LGALS14: variants seen among roughly 807,000 people sequenced by gnomAD.
LGALS14 encodes the protein placental protein 13-like.
In LGALS14, 14 loss-of-function variants were observed where a neutral mutation model predicts 14.6. That is an observed-to-expected ratio of 0.96 (90% CI 0.64 to 1.50). LGALS14 has a LOEUF of 1.50. LGALS14 is among the 40% of genes most tolerant of loss of function. The pLI, the probability that LGALS14 is intolerant of heterozygous loss-of-function variation, is 0.00. For missense variants in LGALS14, 180 were observed against 172.0 expected, an observed-to-expected ratio of 1.05 and a Z score of -0.26; for synonymous variants, 57 against 63.9, an observed-to-expected ratio of 0.89 and a Z score of 0.51.
At chr19:39,707,152 C>T (rs749914119) in intron 2 of LGALS14, 26 bp from the exon 3 acceptor site, 2 of 1,574,388 alleles carry the variant, frequency 1.3e-6, no homozygotes, top group Non-Finnish European at 1.7e-6. Context: ...GGGACCTGCC[C>T]AACATGCTGT....
intron 3 of LGALS14, 114 bp downstream of exon 3, chr19:39,707,502 C>T (rs777703135): frequency 2.4e-6 from 2 of 831,438 alleles, no homozygotes; most frequent in East Asian, 2.5e-5. Flanking sequence ...ATAACTATTC[C>T]TGTTTCAGGT....
intron 1 of LGALS14, among the ~76,000 whole-genome samples, chr19:39,706,212 T>C (rs1225775662): frequency 3.3e-5 from 5 of 152,148 alleles, no homozygotes; most frequent in Non-Finnish European, 7.4e-5. Context: ...ATTGACCCTA[T>C]ACATGCCAGG....
intron 1 of LGALS14, 132 bp downstream of exon 1, chr19:39,704,675 A>G (rs557667172): frequency 1.2e-6 from 1 of 820,462 alleles, no homozygotes; most frequent in African/African-American, 1.7e-5. Flanking sequence ...GGGTGTGTAG[A>G]AGAGAAACCC....
chr19:39,704,690 G>A, intron 1 of LGALS14, 147 bp downstream of exon 1: 3 of 747,790 alleles, frequency 4.0e-6, no homozygotes, highest in South Asian at 3.4e-5. Flanking sequence ...AAACCCTGAG[G>A]CTGTGGTATC....
At position 39,709,370 on chromosome 19, in the gene LGALS14, A is replaced by T. The variant is rs1332883238; in HGVS notation, c.*57A>T. The T allele has an allele frequency of 7.1e-6, 7 of 989,394 alleles. No homozygotes were observed. In the East Asian group the frequency reaches 1.2e-4, roughly 17 times the overall value. The allele number at this position is 989,394 out of a possible 1,614,324, so 61.3% of individuals were successfully genotyped here. The stretch of plus-strand genomic sequence containing the variant: ...ATCCCTCTTTCTACCTGACCATGGG[A>T]TTCCCAGAGCCTACTAACAGAATAA... On this transcript the variant is annotated 3_prime_UTR_variant, in exon 4 of 4. Coordinates refer to ENST00000392052, the MANE Select transcript of LGALS14 (RefSeq NM_020129.3).
At chr19:39,707,413 G>A (rs565897930) in intron 3 of LGALS14, 25 bp downstream of exon 3, 24 of 1,591,794 alleles carry the variant, frequency 1.5e-5, no homozygotes, top group East Asian at 6.7e-5. Flanking sequence ...ATCTTCCAGC[G>A]CTGGAGCTCT....
chr19:39,708,992 G>C (rs1380318822), intron 3 of LGALS14, among the ~76,000 whole-genome samples: 2 of 152,176 alleles, frequency 1.3e-5, no homozygotes, highest in Non-Finnish European at 2.9e-5. Context: ...AGGGGAATGA[G>C]AGAAAACATT....
At chr19:39,705,382 G>T (rs1330540505) in intron 1 of LGALS14, among the ~76,000 whole-genome samples, 2 of 152,164 alleles carry the variant, frequency 1.3e-5, no homozygotes, top group Admixed American at 1.3e-4. Flanking sequence ...GAACAGGCGA[G>T]TGTGAAGATA....
Position 39,709,364 on chromosome 19 carries a change from C to A in LGALS14, c.*51C>A. ...TGAGGAATCCCTCTTTCTACCTGAC[C>A]ATGGGATTCCCAGAGCCTACTAACA... On this transcript the variant is annotated 3_prime_UTR_variant, in exon 4 of 4. Coordinates refer to ENST00000392052, the MANE Select transcript of LGALS14 (RefSeq NM_020129.3). 9.6e-7 allele frequency: 1 copy of A among 1,037,926 alleles called. No homozygotes were observed. Among genetic ancestry groups the A allele is most frequent in the Non-Finnish European group, 1.5e-6 (1 of 658,862 alleles). The allele number at this position is 1,037,926 out of a possible 1,614,324, so 64.3% of individuals were successfully genotyped here.
At chr19:39,705,821 G>C in intron 1 of LGALS14, 1 of 1,537,824 alleles carries the variant, frequency 6.5e-7, no homozygotes, top group Non-Finnish European at 8.9e-7. Context: ...TATCAGCCTG[G>C]GTGACAGAGC....
chr19:39,707,139 G>T (rs749425314), intron 2 of LGALS14, 39 bp from the exon 3 acceptor site: 6 of 1,489,394 alleles, frequency 4.0e-6, no homozygotes, highest in Non-Finnish European at 2.8e-6. Flanking sequence ...TCTGCACAAT[G>T]GGGGGACCTG....
chr19:39,707,929 T>A (rs1369021966), intron 3 of LGALS14, among the ~76,000 whole-genome samples: 1 of 152,114 alleles, frequency 6.6e-6, no homozygotes, highest in Non-Finnish European at 1.5e-5. Context: ...CTTGCCTTAG[T>A]CTCCCAAGTA....
At chr19:39,704,624 A>C (rs1973689315) in intron 1 of LGALS14, 81 bp downstream of exon 1, 1 of 1,356,486 alleles carries the variant, frequency 7.4e-7, no homozygotes, top group Non-Finnish European at 1.1e-6. Context: ...CTGAGTTGAA[A>C]ATATGAGCAT....
chr19:39,708,809 T>C (rs1458272334), intron 3 of LGALS14, among the ~76,000 whole-genome samples: 2 of 152,146 alleles, frequency 1.3e-5, no homozygotes, highest in Non-Finnish European at 2.9e-5. Flanking sequence ...TCACAGTTCA[T>C]GGAACTGAAA....
chr19:39,709,334 A>G lies in LGALS14; in HGVS notation c.*21A>G. The G allele has an allele frequency of 7.5e-7, 1 of 1,334,934 alleles. No individual in the cohort carries two copies. Among genetic ancestry groups the G allele is most frequent in the East Asian group, 2.3e-5 (1 of 43,610 alleles). The allele number at this position is 1,334,934 out of a possible 1,614,324, so 82.7% of individuals were successfully genotyped here. ...ATTGAGGGAGATGATCAGACTCCTC[A>G]TTGTTGAGGAATCCCTCTTTCTACC... On this transcript the variant is annotated 3_prime_UTR_variant, in exon 4 of 4. Coordinates refer to ENST00000392052, the MANE Select transcript of LGALS14 (RefSeq NM_020129.3).
Position 39,709,401 on chromosome 19 carries a change from C to T in LGALS14, c.*88C>T. ...AGAGCCTACTAACAGAATAATCCCT[C>T]CTCACCCCTTCCCCTACACTTGATC... On this transcript the variant is annotated 3_prime_UTR_variant, in exon 4 of 4. Coordinates refer to ENST00000392052, the MANE Select transcript of LGALS14 (RefSeq NM_020129.3). 6 of 754,926 alleles carry T rather than the reference C, an allele frequency of 7.9e-6. No homozygotes were observed. Among genetic ancestry groups the T allele is most frequent in the Non-Finnish European group, 1.4e-5 (6 of 424,808 alleles). 46.8% of individuals were successfully genotyped at this position (754,926 alleles called of 1,614,324 possible).
Position 39,709,345 on chromosome 19 carries a change from A to G in LGALS14, c.*32A>G. 7 of 1,238,140 alleles carry G rather than the reference A, an allele frequency of 5.7e-6. No individual in the cohort carries two copies. Among genetic ancestry groups the G allele is most frequent in the Admixed American group, 1.7e-5 (1 of 59,436 alleles). 76.7% of individuals were successfully genotyped at this position (1,238,140 alleles called of 1,614,324 possible). On this transcript the variant is annotated 3_prime_UTR_variant, in exon 4 of 4. Coordinates refer to ENST00000392052, the MANE Select transcript of LGALS14 (RefSeq NM_020129.3). Reference sequence around the variant, plus strand: ...TGATCAGACTCCTCATTGTTGAGGAATCCCTCTTTCTACCTGACCATGGGA... The same window carrying G: ...TGATCAGACTCCTCATTGTTGAGGAGTCCCTCTTTCTACCTGACCATGGGA...
intron 3 of LGALS14, among the ~76,000 whole-genome samples, chr19:39,708,903 C>T (rs1360172976): frequency 6.6e-6 from 1 of 152,132 alleles, no homozygotes; most frequent in Non-Finnish European, 1.5e-5. Context: ...CCTGAGACAC[C>T]GTCCCTGGTG....
intron 1 of LGALS14, chr19:39,705,788 T>G: frequency 8.4e-5 from 102 of 1,218,842 alleles, no homozygotes; most frequent in Non-Finnish European, 1.1e-4. Flanking sequence ...GATGTTTCAG[T>G]GAGCTGTGAT....
Sources: gnomAD v4.1 joint callset for allele counts (sites outside exome capture counted in the v4.1 genomes callset) on GRCh38, gnomAD v4.1.1 for gene constraint, MANE v1.5 for transcripts, NCBI Gene and HGNC (gene_info 2026-07-23, HGNC 2026-07-21) for gene names.